ARSB: variants seen among roughly 807,000 people sequenced by gnomAD.
ARSB encodes the protein N-acetylgalactosamine-4-sulfatase.
ARSB carries 41 observed loss-of-function variants against 50.9 expected under a neutral mutation model. The observed-to-expected ratio is 0.81, with a 90% CI of 0.63 to 1.04. The LOEUF is 1.04. Ranked by LOEUF, ARSB falls within the 50% of genes least tolerant of loss-of-function variation. ARSB has a pLI of 0.00. For missense variants in ARSB, 672 were observed against 693.3 expected, an observed-to-expected ratio of 0.97 and a Z score of 0.35; for synonymous variants, 269 against 284.8, an observed-to-expected ratio of 0.94 and a Z score of 0.56.
chr5:78,828,577 T>A (rs1029175125), intron 6 of ARSB, among the ~76,000 whole-genome samples: 2 of 152,240 alleles, frequency 1.3e-5, no homozygotes, highest in Non-Finnish European at 2.9e-5. Context: ...ATCTGACAAT[T>A]AAGTACAACT....
In ARSB at chr5:78,927,363, T is replaced by C. The variant is rs569902201; in HGVS notation, c.898+27932A>G. ...ATTTCAAATGCTCAATAGCCATGTATGACTAGTGGCTACCTGTTGAACAGC... is the reference window on the plus strand; with the variant it reads ...ATTTCAAATGCTCAATAGCCATGTACGACTAGTGGCTACCTGTTGAACAGC... On this transcript the variant is annotated intron_variant, in intron 4 of 7. Coordinates refer to ENST00000264914, the MANE Select transcript of ARSB (RefSeq NM_000046.5). Among the ~76,000 whole-genome samples the C allele has an allele frequency of 5.3e-5, 8 of 152,324 alleles. No homozygotes were observed. In the East Asian group the frequency reaches 1.5e-3, roughly 29 times the overall value.
At chr5:78,816,198 G>A in intron 6 of ARSB, 2 of 1,611,884 alleles carry the variant, frequency 1.2e-6, no homozygotes, top group Non-Finnish European at 1.7e-6. Context: ...TCTAGTCCAG[G>A]AGATTTCTTA....
intron 3 of ARSB, among the ~76,000 whole-genome samples, chr5:78,962,524 A>ATTTTTTTTTTT (rs10683109): frequency 6.6e-5 from 7 of 106,204 alleles, no homozygotes; most frequent in African/African-American, 1.6e-4. Flanking sequence ...CATGTGCTCG[A>ATTTTTTTTTTT]TTTTTTTTTT....
chr5:78,943,768 T>C (rs1190451879), intron 4 of ARSB, among the ~76,000 whole-genome samples: 1 of 152,198 alleles, frequency 6.6e-6, no homozygotes, highest in Non-Finnish European at 1.5e-5. Context: ...GGAGTTGCTC[T>C]TCTCAAGGAG....
chr5:78,786,434 CT>C (rs34105402), intron 6 of ARSB, among the ~76,000 whole-genome samples: 6 of 152,088 alleles, frequency 3.9e-5, no homozygotes, highest in Non-Finnish European at 7.4e-5. Flanking sequence ...TTTGTTTATA[CT>C]TTTTGGCGAC....
chr5:78,853,023 T>C (rs1745915994), intron 5 of ARSB, among the ~76,000 whole-genome samples: 1 of 152,160 alleles, frequency 6.6e-6, no homozygotes, highest in Admixed American at 6.5e-5. Context: ...TAGCTCAGAG[T>C]AGTTTGATAG....
chr5:78,803,360 A>G (rs1221952157), intron 6 of ARSB, among the ~76,000 whole-genome samples: 1 of 152,234 alleles, frequency 6.6e-6, no homozygotes, highest in Non-Finnish European at 1.5e-5. Flanking sequence ...CACTTGAGAG[A>G]AAGTCGGCAG....
intron 5 of ARSB, among the ~76,000 whole-genome samples, chr5:78,853,903 C>G (rs1303162292): frequency 2.0e-5 from 3 of 152,222 alleles, no homozygotes; most frequent in African/African-American, 4.8e-5. Flanking sequence ...GTTTTTTAAG[C>G]CCATTGGAAA....
chr5:78,901,944 C>T (rs1485511501), intron 4 of ARSB, among the ~76,000 whole-genome samples: 3 of 152,224 alleles, frequency 2.0e-5, no homozygotes, highest in Non-Finnish European at 4.4e-5. Flanking sequence ...TAACATGATG[C>T]AGCTGCTTTG....
chr5:78,924,431 G>T (rs1321541024), intron 4 of ARSB, among the ~76,000 whole-genome samples: 2 of 152,168 alleles, frequency 1.3e-5, no homozygotes, highest in Non-Finnish European at 2.9e-5. Context: ...ATGTCTACTT[G>T]GCCGTGATAA....
chr5:78,806,251 A>C (rs1743556376), intron 6 of ARSB, among the ~76,000 whole-genome samples: 2 of 152,258 alleles, frequency 1.3e-5, no homozygotes, highest in South Asian at 4.1e-4. Flanking sequence ...AAACAATAAC[A>C]AAGTCACAGT....
At chr5:78,808,813 G>A (rs941126412) in intron 6 of ARSB, among the ~76,000 whole-genome samples, 1 of 152,206 alleles carries the variant, frequency 6.6e-6, no homozygotes, top group East Asian at 1.9e-4. Context: ...TGATGCTGGA[G>A]GGACACAGGA....
chr5:78,949,157 A>G (rs1409005650), intron 4 of ARSB, among the ~76,000 whole-genome samples: 2 of 152,218 alleles, frequency 1.3e-5, no homozygotes, highest in Non-Finnish European at 2.9e-5. Flanking sequence ...GATGATGGGT[A>G]GAGGTGGCAA....
At chr5:78,868,207 C>G (rs1180455210) in intron 5 of ARSB, among the ~76,000 whole-genome samples, 2,647 of 134,618 alleles carry the variant, frequency 0.02, 31 homozygotes, top group African/African-American at 0.057. Flanking sequence ...GAAAGTGATG[C>G]GGAGAATGGA....
intron 5 of ARSB, among the ~76,000 whole-genome samples, chr5:78,858,005 G>C (rs976590989): frequency 6.6e-6 from 1 of 152,164 alleles, no homozygotes; most frequent in Non-Finnish European, 1.5e-5. Flanking sequence ...AGACAAGCTT[G>C]GCATGGCATG....
chr5:78,940,355 C>T (rs551114726), intron 4 of ARSB, among the ~76,000 whole-genome samples: 4 of 152,262 alleles, frequency 2.6e-5, no homozygotes, highest in South Asian at 4.1e-4. Context: ...AAGTCCTTGC[C>T]CATGCCTATG....
At chr5:78,873,719 T>A (rs1350999225) in intron 5 of ARSB, among the ~76,000 whole-genome samples, 1 of 151,584 alleles carries the variant, frequency 6.6e-6, no homozygotes, top group Non-Finnish European at 1.5e-5. Flanking sequence ...ATGGTCTCGA[T>A]CTCCTGACCT....
chr5:78,875,674 AT>A (rs60556040), intron 5 of ARSB, among the ~76,000 whole-genome samples: 19,038 of 149,266 alleles, frequency 0.13, 1,375 homozygotes, highest in Middle Eastern at 0.21. Flanking sequence ...TATTATTATT[AT>A]TTTTTTTTTT....
chr5:78,983,559 T>A (rs1753012494), intron 1 of ARSB, among the ~76,000 whole-genome samples: 1 of 152,078 alleles, frequency 6.6e-6, no homozygotes, highest in Non-Finnish European at 1.5e-5. Flanking sequence ...CCACAAAGTG[T>A]CCAGGGTGAG....
Sources: allele counts gnomAD v4.1 joint callset (sites outside exome capture counted in the v4.1 genomes callset), GRCh38; gene constraint gnomAD v4.1.1; transcripts MANE v1.5; gene names NCBI Gene and HGNC (gene_info 2026-07-23, HGNC 2026-07-21).